SEM1: variants seen among roughly 807,000 people sequenced by gnomAD.
SEM1 encodes the protein SEM1 26S proteasome subunit.
A neutral mutation model predicts 12.7 loss-of-function variants in SEM1; 3 were observed. The observed-to-expected ratio is 0.24, with a 90% CI of 0.11 to 0.61. SEM1 has a LOEUF of 0.61. Ranked by LOEUF, SEM1 falls within the 20% of genes least tolerant of loss-of-function variation. The probability of loss-of-function intolerance (pLI) is 0.88; values close to 1 mark genes in which losing one functional copy is unlikely to be tolerated. For synonymous variants in SEM1, 30 were observed against 27.8 expected (o/e 1.08, Z -0.25); for missense variants, 59 against 81.3 (o/e 0.73, Z 1.06).
At chr7:96,620,644 T>C (rs1454458286), downstream of SEM1, among the ~76,000 whole-genome samples, 1 of 152,082 alleles carries the variant, frequency 6.6e-6, no homozygotes, top group Non-Finnish European at 1.5e-5. Flanking sequence ...TCGCAAACTC[T>C]CTCCTTACTT....
intron 2 of SEM1, among the ~76,000 whole-genome samples, chr7:96,485,822 G>A (rs766623515): frequency 2.0e-5 from 3 of 152,078 alleles, no homozygotes; most frequent in Non-Finnish European, 4.4e-5. Context: ...TTACAGGCAT[G>A]AGCCACTACG....
chr7:96,577,423 T>C (rs1268593203), intron 2 of SEM1, among the ~76,000 whole-genome samples: 1 of 151,940 alleles, frequency 6.6e-6, no homozygotes, highest in Non-Finnish European at 1.5e-5. Context: ...TTACGATTAA[T>C]TATAAAATTA....
At chr7:96,646,200 C>T (rs546527766) in intron 2 of SEM1, among the ~76,000 whole-genome samples, 1 of 152,246 alleles carries the variant, frequency 6.6e-6, no homozygotes, top group Non-Finnish European at 1.5e-5. Flanking sequence ...GAACATAACC[C>T]AGCCCATTCA....
chr7:96,512,947 A>T (rs1803977565), intron 2 of SEM1, among the ~76,000 whole-genome samples: 1 of 152,166 alleles, frequency 6.6e-6, no homozygotes, highest in African/African-American at 2.4e-5. Context: ...CTTTCATTAC[A>T]TAATTAACAC....
Position 96,640,798 on chromosome 7 carries a change from G to A in SEM1, c.171-18155C>T, listed in dbSNP as rs1461314168. Among the ~76,000 whole-genome samples, 3 of 151,870 alleles carry A rather than the reference G, an allele frequency of 2.0e-5. No individual in the cohort carries two copies. The highest frequency in any genetic ancestry group is 6.6e-5 in the Admixed American group (1 of 15,192). On this transcript the variant is annotated intron_variant, in intron 2 of 2. Coordinates refer to the SEM1 transcript ENST00000417009. This position sits in a 1 kb window ranked among gnomAD's most constrained non-coding sequence, Gnocchi z 4.0. Reference sequence around the variant, plus strand: ...CTCTGTGGGGATGCTATAAATGAGGGAGGCTATGCATGTGTCGGGGGAGGA... The same window carrying A: ...CTCTGTGGGGATGCTATAAATGAGGAAGGCTATGCATGTGTCGGGGGAGGA...
At chr7:96,699,715 C>T (rs560924927) in intron 1 of SEM1, among the ~76,000 whole-genome samples, 89 of 152,288 alleles carry the variant, frequency 5.8e-4, no homozygotes, top group Non-Finnish European at 1.1e-3. Context: ...TAATCTGTTT[C>T]TTTTGAACTG....
At position 96,490,901 on chromosome 7, in the gene SEM1, C is replaced by G. The variant is rs142947982; in HGVS notation, c.13-4484G>C. 6.3e-3 allele frequency among the ~76,000 whole-genome samples: 961 copies of G among 152,202 alleles called. 11 individuals are homozygous for G. The highest frequency in any genetic ancestry group is 0.022 in the African/African-American group (920 of 41,536). On this transcript the variant is annotated intron_variant, in intron 1 of 3. Transcript: ENST00000356686. Reference sequence around the variant, plus strand: ...TTCTTTGAAGACCACTCTGTGACCCCCTGCAGTGGCAGTGGATACAGTGGG... The same window carrying G: ...TTCTTTGAAGACCACTCTGTGACCCGCTGCAGTGGCAGTGGATACAGTGGG...
rs148992719 is a variant in SEM1 at position 96,638,262 on chromosome 7, G to T, written c.171-15619C>A. Among the ~76,000 whole-genome samples, 11 of 151,900 alleles carry T rather than the reference G, an allele frequency of 7.2e-5. No homozygotes were observed. In the East Asian group the frequency reaches 2.1e-3, roughly 30 times the overall value. On this transcript the variant is annotated intron_variant, in intron 2 of 2. Transcript: ENST00000417009. Reference sequence around the variant, plus strand: ...ACTTGCCTTCATAGCTTCCACACTCGCTTTGCTCTGTCATTTTCATATGGT... The same window carrying T: ...ACTTGCCTTCATAGCTTCCACACTCTCTTTGCTCTGTCATTTTCATATGGT...
intron 2 of SEM1, among the ~76,000 whole-genome samples, chr7:96,690,771 G>A (rs1312603995): frequency 6.6e-6 from 1 of 152,026 alleles, no homozygotes; most frequent in Admixed American, 6.6e-5. Flanking sequence ...AACTATACTG[G>A]ATTTTTTTGT....
chr7:96,575,808 AT>A lies in SEM1; in HGVS notation c.171-69111del, dbSNP rs1563068026. ...AGACAACCTATAGAATGAGAAAAAA[AT>A]ATTTGCAAACTATGCATCTGACAAA... On this transcript the variant is annotated intron_variant and NMD_transcript_variant, in intron 2 of 3. Transcript: ENST00000466986. Among the ~76,000 whole-genome samples the A allele has an allele frequency of 3.3e-5, 5 of 152,332 alleles. No homozygotes were observed. The South Asian group carries it at 6.2e-4, about 19-fold the overall frequency.
intron 2 of SEM1, among the ~76,000 whole-genome samples, chr7:96,681,981 G>C (rs1164790953): frequency 6.6e-6 from 1 of 152,086 alleles, no homozygotes; most frequent in Non-Finnish European, 1.5e-5. Flanking sequence ...TGGGCAGTAT[G>C]GCCATTTTCA....
chr7:96,612,349 C>T (rs1335580204), intron 2 of SEM1, among the ~76,000 whole-genome samples: 1 of 152,188 alleles, frequency 6.6e-6, no homozygotes, highest in Non-Finnish European at 1.5e-5. Context: ...CTGTGACTTT[C>T]TTCTCTGGGT....
At chr7:96,656,948 G>C (rs1046979815) in intron 2 of SEM1, among the ~76,000 whole-genome samples, 3 of 151,884 alleles carry the variant, frequency 2.0e-5, no homozygotes, top group African/African-American at 7.3e-5. Context: ...ACATCTGTCT[G>C]TAGCTGTGAC....
chr7:96,625,629 C>T (rs546650417), intron 2 of SEM1, among the ~76,000 whole-genome samples: 128 of 152,302 alleles, frequency 8.4e-4, no homozygotes, highest in African/African-American at 2.6e-3. Flanking sequence ...GCTACTAAAA[C>T]TTTAATGTAA....
At chr7:96,577,574 C>A (rs1178596338) in intron 2 of SEM1, among the ~76,000 whole-genome samples, 1 of 151,900 alleles carries the variant, frequency 6.6e-6, no homozygotes. Context: ...CCTGAGAATT[C>A]AAAACCACAA....
In SEM1 at chr7:96,651,227, G is replaced by A. The variant is rs1045725788; in HGVS notation, c.171-28584C>T. Among the ~76,000 whole-genome samples, 11 of 152,182 alleles carry A rather than the reference G, an allele frequency of 7.2e-5. No homozygotes were observed. The South Asian group carries it at 8.3e-4, about 11-fold the overall frequency. On this transcript the variant is annotated intron_variant, in intron 2 of 2. Transcript: ENST00000417009. Reference sequence around the variant, plus strand: ...GAGCTTAAAATTCCATGTTGGAAAAGGTGTTAGGCTCTTCCTTCAAGATTC... The same window carrying A: ...GAGCTTAAAATTCCATGTTGGAAAAAGTGTTAGGCTCTTCCTTCAAGATTC...
upstream of SEM1, among the ~76,000 whole-genome samples, chr7:96,496,680 A>G (rs1324381879): frequency 6.6e-6 from 1 of 152,198 alleles, no homozygotes; most frequent in Non-Finnish European, 1.5e-5. Flanking sequence ...TTTATTAGAC[A>G]TATATACTAC....
At chr7:96,563,408 AT>A (rs1455672079) in intron 2 of SEM1, among the ~76,000 whole-genome samples, 6 of 152,282 alleles carry the variant, frequency 3.9e-5, no homozygotes, top group African/African-American at 1.2e-4. Context: ...CATGGCAAGT[AT>A]TATGACTGCC....
At chr7:96,598,057 G>A (rs1323155927) in intron 2 of SEM1, among the ~76,000 whole-genome samples, 1 of 152,058 alleles carries the variant, frequency 6.6e-6, no homozygotes, top group African/African-American at 2.4e-5. Flanking sequence ...GTTTTTGAAT[G>A]AATTATAATT....
Sources: allele counts gnomAD v4.1 joint callset (sites outside exome capture counted in the v4.1 genomes callset), GRCh38; gene constraint gnomAD v4.1.1; non-coding constraint Gnocchi (gnomAD v3.1); transcripts MANE v1.5; gene names NCBI Gene and HGNC (gene_info 2026-07-23, HGNC 2026-07-21).